PIK3C2G: variants seen among roughly 807,000 people sequenced by gnomAD.
PIK3C2G encodes the protein phosphatidylinositol 3-kinase C2 domain-containing subunit gamma.
PIK3C2G carries 168 observed loss-of-function variants against 181.1 expected under a neutral mutation model. That is an observed-to-expected ratio of 0.93 (90% confidence interval 0.82 to 1.05). The LOEUF is 1.05. PIK3C2G is among the 50% of genes least tolerant of loss of function. The pLI is 0.00. For synonymous variants in PIK3C2G, 573 were observed against 592.2 expected (o/e 0.97, Z 0.47); for missense variants, 1,869 against 1,732.8 (o/e 1.08, Z -1.40).
chr12:18,668,022 A>G, the PIK3C2G span, among the ~76,000 whole-genome samples: 1 of 152,226 alleles, frequency 6.6e-6, no homozygotes, highest in African/African-American at 2.4e-5. Context: ...CCTTTAGGAC[A>G]CTACCTAATA....
chr12:18,282,278 C>T lies in PIK3C2G; in HGVS notation c.197C>T (p.Pro66Leu). The change falls in exon 2 of 33, where the codon CCC (proline) becomes CTC (leucine). Residue 66 changes from proline to leucine, a missense_variant. Pro to Leu is a moderately conservative substitution (Grantham distance 98). Coordinates refer to ENST00000538779, the MANE Select transcript of PIK3C2G (RefSeq NM_001288772.2). ...SEIDENTFFV[P>L]TAPKWDSTGH... is the part of the protein sequence containing the mutation. Reference sequence around the variant, plus strand: ...ATTGATGAAAACACCTTTTTTGTGCCCACTGCACCAAAATGGGACTCAACA... The same window carrying T: ...ATTGATGAAAACACCTTTTTTGTGCTCACTGCACCAAAATGGGACTCAACA... 1.2e-6 allele frequency: 2 copies of T among 1,612,938 alleles called. No homozygotes were observed. The highest frequency in any genetic ancestry group is 1.7e-6 in the Non-Finnish European group (2 of 1,179,168).
intron 1 of PIK3C2G, among the ~76,000 whole-genome samples, chr12:18,271,245 T>C (rs890360512): frequency 1.3e-5 from 2 of 152,130 alleles, no homozygotes; most frequent in Admixed American, 6.6e-5. Context: ...TGACCTCCTC[T>C]GACCTTGTTC....
chr12:18,683,176 G>A, the PIK3C2G span: 1 of 1,351,944 alleles, frequency 7.4e-7, no homozygotes, highest in Non-Finnish European at 1.1e-6. Flanking sequence ...AAAACATAAA[G>A]ACATTCATTT....
At chr12:18,476,523 T>C (rs546528074) in intron 18 of PIK3C2G, among the ~76,000 whole-genome samples, 1 of 152,014 alleles carries the variant, frequency 6.6e-6, no homozygotes, top group Non-Finnish European at 1.5e-5. Context: ...CGGGAAAAAA[T>C]TCACAGGTAA....
Position 18,391,123 on chromosome 12 carries a change from T to C in PIK3C2G, c.1997T>C (p.Ile666Thr). The C allele has an allele frequency of 1.3e-6, 2 of 1,595,366 alleles. No individual in the cohort carries two copies. Among genetic ancestry groups the C allele is most frequent in the Non-Finnish European group, 1.7e-6 (2 of 1,172,346 alleles). The change falls in exon 15 of 33, where the codon ATT becomes ACT. Residue 666 changes from isoleucine to threonine, a missense_variant and splice_region_variant. Transcript: ENST00000538779. ...GGCAAATCATTTTTTTTCTTTCAGA[T>C]TGATTTTCCAGCTACTGGGTGGGAG... ...VSQPSPVTLQIDFPATGWEYM... is the reference protein window; with the variant it reads ...VSQPSPVTLQTDFPATGWEYM...
intron 7 of PIK3C2G, among the ~76,000 whole-genome samples, chr12:18,322,517 T>C (rs1951158536): frequency 6.6e-6 from 1 of 152,122 alleles, no homozygotes; most frequent in Admixed American, 6.6e-5. Context: ...TATATTTACA[T>C]ATATTATCTC....
At chr12:18,539,501 G>T (rs115565704) in intron 25 of PIK3C2G, among the ~76,000 whole-genome samples, 1 of 151,240 alleles carries the variant, frequency 6.6e-6, no homozygotes, top group Non-Finnish European at 1.5e-5. Flanking sequence ...CTCTAGTCAC[G>T]TTTGTTTATA....
At position 18,312,375 on chromosome 12, in the gene PIK3C2G, T is replaced by G. The variant is rs542107164; in HGVS notation, c.1035-1587T>G. Among the ~76,000 whole-genome samples the G allele has an allele frequency of 3.0e-4, 45 of 152,232 alleles. 1 individual carries two copies. In the Middle Eastern group the frequency reaches 0.01, roughly 35 times the overall value. ...TTGCACTGGTGTCCAGAGTGCAGTA[T>G]CAAGACTTCAACATACAGAGAAAAG... is the stretch of plus-strand genomic sequence containing the variant. On this transcript the variant is annotated intron_variant, in intron 5 of 32. Transcript: ENST00000538779.
intron 7 of PIK3C2G, among the ~76,000 whole-genome samples, 180 bp downstream of exon 7, chr12:18,321,212 T>C (rs1211230409): frequency 6.6e-6 from 1 of 152,246 alleles, no homozygotes; most frequent in African/African-American, 2.4e-5. Context: ...TCAGACATAT[T>C]TGAAGAGCTG....
At chr12:18,632,304 A>G (rs1365930763) in intron 31 of PIK3C2G, among the ~76,000 whole-genome samples, 9 of 152,214 alleles carry the variant, frequency 5.9e-5, no homozygotes, top group Admixed American at 5.9e-4. Context: ...TTACTGCTTA[A>G]GTACTGTCCT....
chr12:18,492,782 A>C (rs1940687677), intron 20 of PIK3C2G, among the ~76,000 whole-genome samples: 1 of 152,120 alleles, frequency 6.6e-6, no homozygotes, highest in Admixed American at 6.5e-5. Context: ...ATTACATATA[A>C]GTTTGGCATG....
intron 18 of PIK3C2G, among the ~76,000 whole-genome samples, chr12:18,454,056 T>C (rs1386217323): frequency 2.6e-5 from 4 of 152,162 alleles, no homozygotes; most frequent in South Asian, 2.1e-4. Flanking sequence ...CTACTAGTTT[T>C]TTTTACCAAG....
intron 5 of PIK3C2G, among the ~76,000 whole-genome samples, 154 bp from the exon 6 acceptor site, chr12:18,313,801 TATTCACA>T (rs1950739929): frequency 2.8e-5 from 3 of 107,628 alleles, no homozygotes; most frequent in East Asian, 3.0e-4. Context: ...AATGCATATA[TATTCACA>T]CACACACACA....
rs550080668 is a variant in PIK3C2G, at chr12:18,641,607, T to C, written c.4308+1053T>C. On this transcript the variant is annotated intron_variant, in intron 32 of 32. Transcript: ENST00000538779. ...CTTAAAATATTATTGTTTACTGAAG[T>C]CACATGATCCATCCTCATCTCCTCT... Among the ~76,000 whole-genome samples, 17 of 152,192 alleles carry C rather than the reference T, an allele frequency of 1.1e-4. No homozygotes were observed. The East Asian group carries it at 2.9e-3, about 26-fold the overall frequency.
At chr12:18,377,302 G>A (rs1942518577) in intron 13 of PIK3C2G, among the ~76,000 whole-genome samples, 1 of 152,088 alleles carries the variant, frequency 6.6e-6, no homozygotes. Flanking sequence ...TTTTGTGTTG[G>A]CTTTTCTAGT....
At chr12:18,379,907 T>G (rs1942722624) in intron 13 of PIK3C2G, among the ~76,000 whole-genome samples, 1 of 152,128 alleles carries the variant, frequency 6.6e-6, no homozygotes, top group Non-Finnish European at 1.5e-5. Context: ...TCGAAAATCT[T>G]TAGATATTTC....
chr12:18,402,980 C>A (rs1363050057), intron 16 of PIK3C2G, among the ~76,000 whole-genome samples: 2 of 152,108 alleles, frequency 1.3e-5, no homozygotes, highest in African/African-American at 2.4e-5. Flanking sequence ...GCCTCAAGTG[C>A]CCTGTAAGTT....
upstream of PIK3C2G, among the ~76,000 whole-genome samples, chr12:18,257,719 G>GGGGA (rs1565525390): frequency 2.2e-5 from 2 of 91,286 alleles, no homozygotes; most frequent in Admixed American, 1.2e-4. Flanking sequence ...AGACAGGAAG[G>GGGGA]TGGAAGGAAG....
chr12:18,458,587 A>G (rs555543955), intron 18 of PIK3C2G, among the ~76,000 whole-genome samples: 1 of 152,226 alleles, frequency 6.6e-6, no homozygotes, highest in East Asian at 1.9e-4. Context: ...GCTGAATATG[A>G]TGAGTATCAC....
Sources: gnomAD v4.1 joint callset for allele counts (sites outside exome capture counted in the v4.1 genomes callset) on GRCh38, gnomAD v4.1.1 for gene constraint, MANE v1.5 for transcripts, NCBI Gene and HGNC (gene_info 2026-07-23, HGNC 2026-07-21) for gene names.